LINGO2: variants seen among roughly 807,000 people sequenced by gnomAD.
LINGO2 encodes leucine-rich repeat and immunoglobulin-like domain-containing nogo receptor-interacting protein 2.
Under a neutral mutation model 30.6 loss-of-function variants are expected in LINGO2, and 14 were observed. The ratio of observed to expected loss-of-function variants is 0.46; its 90% CI spans 0.30 to 0.72. LINGO2 has a LOEUF of 0.72. LINGO2 is among the 30% of genes least tolerant of loss of function. The probability of loss-of-function intolerance (pLI) is 0.07; values close to 1 mark genes in which losing one functional copy is unlikely to be tolerated. For missense variants in LINGO2, 729 were observed against 751.7 expected (o/e 0.97, Z 0.35); for synonymous variants, 317 against 288.5 (o/e 1.10, Z -1.00).
At chr9:28,509,049 GTACTTA>G (rs1191266227) in intron 1 of LINGO2, among the ~76,000 whole-genome samples, 2 of 152,074 alleles carry the variant, frequency 1.3e-5, no homozygotes, top group African/African-American at 4.8e-5. Flanking sequence ...CTATGGTATT[GTACTTA>G]TACTTCTCCC....
chr9:28,102,653 A>G (rs971643303), intron 4 of LINGO2, among the ~76,000 whole-genome samples: 1 of 152,246 alleles, frequency 6.6e-6, no homozygotes, highest in South Asian at 2.1e-4. Flanking sequence ...TTTGACAGAC[A>G]CTTACAACCC....
intron 2 of LINGO2, among the ~76,000 whole-genome samples, chr9:28,435,006 T>C (rs1823866583): frequency 6.6e-6 from 1 of 152,008 alleles, no homozygotes; most frequent in Admixed American, 6.6e-5. Context: ...TCATTTTACT[T>C]AAAAAAAATT....
intron 4 of LINGO2, among the ~76,000 whole-genome samples, chr9:28,096,299 C>T (rs1052649632): frequency 6.6e-6 from 1 of 152,102 alleles, no homozygotes; most frequent in Non-Finnish European, 1.5e-5. Flanking sequence ...TAGTAAATTA[C>T]TATCATTAAT....
At chr9:28,735,485 T>C in the LINGO2 span, among the ~76,000 whole-genome samples, 103 of 152,264 alleles carry the variant, frequency 6.8e-4, no homozygotes, top group Non-Finnish European at 2.2e-4. Flanking sequence ...AACTTATAAA[T>C]ATGCCCATTT....
At chr9:29,119,577 C>CTTTTT in the LINGO2 span, among the ~76,000 whole-genome samples, 11 of 82,542 alleles carry the variant, frequency 1.3e-4, no homozygotes, top group Non-Finnish European at 1.6e-4. Context: ...CAGTTGTCAT[C>CTTTTT]TTTTTTTTTT....
chr9:28,662,532 G>C (rs142338334), intron 1 of LINGO2, among the ~76,000 whole-genome samples: 1 of 152,178 alleles, frequency 6.6e-6, no homozygotes, highest in East Asian at 1.9e-4. Flanking sequence ...TACTGTCATT[G>C]CTGCCTATAT....
At chr9:28,420,674 G>C (rs1181657880) in intron 2 of LINGO2, among the ~76,000 whole-genome samples, 1 of 152,004 alleles carries the variant, frequency 6.6e-6, no homozygotes, top group African/African-American at 2.4e-5. Flanking sequence ...CTCTATAAAA[G>C]TAATATGACC....
intron 5 of LINGO2, among the ~76,000 whole-genome samples, chr9:27,971,594 G>T (rs1284282575): frequency 6.6e-6 from 1 of 151,980 alleles, no homozygotes; most frequent in Non-Finnish European, 1.5e-5. Flanking sequence ...TCACCATGTT[G>T]ACCAGGCTGG....
At chr9:28,972,520 T>G in the LINGO2 span, among the ~76,000 whole-genome samples, 1 of 152,108 alleles carries the variant, frequency 6.6e-6, no homozygotes, top group East Asian at 1.9e-4. Context: ...AAAAATACTC[T>G]GAAGAATGCA....
intron 4 of LINGO2, among the ~76,000 whole-genome samples, chr9:28,048,548 T>C (rs567477694): frequency 1.3e-5 from 2 of 150,888 alleles, no homozygotes; most frequent in Non-Finnish European, 1.5e-5. Flanking sequence ...TATTTATTTA[T>C]AGTGATCTTA....
In LINGO2 at chr9:28,055,157, G is replaced by C. The variant is rs543721174; in HGVS notation, c.-86-42752C>G. Among the ~76,000 whole-genome samples the C allele has an allele frequency of 2.0e-5, 3 of 152,276 alleles. No homozygotes were observed. The South Asian group carries it at 6.2e-4, about 32-fold the overall frequency. ...AATGCTGAAGTCTTTTGTTTTCCTT[G>C]TGGTTTATCCTTATGTAAATTGGCT... On this transcript the variant is annotated intron_variant, in intron 4 of 5. Coordinates refer to ENST00000379992, the Ensembl canonical transcript of LINGO2.
the LINGO2 span, among the ~76,000 whole-genome samples, chr9:28,945,718 TG>T: frequency 6.6e-6 from 1 of 152,160 alleles, no homozygotes; most frequent in Admixed American, 6.6e-5. Flanking sequence ...GCTTTCCAGG[TG>T]GTTGTAAACA....
chr9:28,678,143 T>A, the LINGO2 span, among the ~76,000 whole-genome samples: 3 of 144,384 alleles, frequency 2.1e-5, no homozygotes, highest in Non-Finnish European at 1.5e-5. Flanking sequence ...CTTTGAATAT[T>A]AAAAAAAAAA....
chr9:28,634,834 G>A (rs1827181408), intron 1 of LINGO2, among the ~76,000 whole-genome samples: 1 of 152,028 alleles, frequency 6.6e-6, no homozygotes, highest in African/African-American at 2.4e-5. Context: ...CTTTTCCTCT[G>A]ACTTCTGGAA....
At chr9:28,044,504 A>G (rs1587756477) in intron 4 of LINGO2, among the ~76,000 whole-genome samples, 2 of 152,198 alleles carry the variant, frequency 1.3e-5, no homozygotes, top group African/African-American at 4.8e-5. Context: ...TTTCTGGAGC[A>G]ACAGCATGGG....
At chr9:28,165,465 G>C (rs78291330) in intron 4 of LINGO2, among the ~76,000 whole-genome samples, 1,966 of 152,164 alleles carry the variant, frequency 0.013, 37 homozygotes, top group African/African-American at 0.044. Flanking sequence ...AGTTTTCTTT[G>C]TTCAAACCAT....
At chr9:28,193,769 T>C (rs1019228503) in intron 4 of LINGO2, among the ~76,000 whole-genome samples, 3 of 152,070 alleles carry the variant, frequency 2.0e-5, no homozygotes, top group African/African-American at 7.2e-5. Context: ...TGGTTCAGAG[T>C]CCCTCGTGTG....
At chr9:28,410,751 T>C (rs1159935083) in intron 2 of LINGO2, among the ~76,000 whole-genome samples, 1 of 152,176 alleles carries the variant, frequency 6.6e-6, no homozygotes, top group Non-Finnish European at 1.5e-5. Context: ...ACTTGCTTTC[T>C]ATTGCATCAT....
the LINGO2 span, among the ~76,000 whole-genome samples, chr9:28,745,152 A>C: frequency 1.3e-5 from 2 of 152,062 alleles, no homozygotes; most frequent in African/African-American, 4.8e-5. Flanking sequence ...ATTGGGCATC[A>C]ACACGGTCTT....
Sources: gnomAD v4.1 joint callset for allele counts (sites outside exome capture counted in the v4.1 genomes callset) on GRCh38, gnomAD v4.1.1 for gene constraint, MANE v1.5 for transcripts, NCBI Gene and HGNC (gene_info 2026-07-23, HGNC 2026-07-21) for gene names.